Variants in WDR64 observed in about 807,000 individuals in gnomAD.
The protein encoded by WDR64 is WD repeat domain 64.
A neutral mutation model predicts 139.3 loss-of-function variants in WDR64; 112 were observed. The observed-to-expected ratio is 0.80, with a 90% CI of 0.69 to 0.94. The LOEUF (loss-of-function observed/expected upper bound fraction) is 0.94, where lower values mean the gene tolerates loss of function less well. WDR64 is among the 40% of genes least tolerant of loss of function. The probability of loss-of-function intolerance (pLI) is 0.00; values close to 1 mark genes in which losing one functional copy is unlikely to be tolerated. For missense variants in WDR64, 1,206 were observed against 1,293.1 expected, an observed-to-expected ratio of 0.93 and a Z score of 1.03; for synonymous variants, 444 against 437.7, an observed-to-expected ratio of 1.01 and a Z score of -0.18.
chr1:241,735,033 A>C (rs79313626), intron 10 of WDR64, among the ~76,000 whole-genome samples: 24,004 of 152,170 alleles, frequency 0.16, 2,218 homozygotes, highest in East Asian at 0.29. Flanking sequence ...AAGTTGTTTA[A>C]AGATTAATTT....
chr1:241,791,124 TA>T (rs1659203290), intron 25 of WDR64, among the ~76,000 whole-genome samples: 1 of 2,778 alleles, frequency 3.6e-4, no homozygotes, highest in Non-Finnish European at 3.3e-3. Context: ...CCATCTCTAT[TA>T]AAAGTAAAAA....
At chr1:241,772,496 T>TCTGTCCCCCA (rs1160880020) in intron 19 of WDR64, among the ~76,000 whole-genome samples, 2 of 105,838 alleles carry the variant, frequency 1.9e-5, no homozygotes, top group Non-Finnish European at 3.5e-5. Context: ...AGAGTTTCAC[T>TCTGTCCCCCA]CTGTCCCCCA....
At position 241,754,554 on chromosome 1, in the gene WDR64, G is replaced by C. The variant is rs920177939; in HGVS notation, c.1771-2729G>C. Among the ~76,000 whole-genome samples the C allele has an allele frequency of 2.6e-5, 4 of 151,916 alleles. No individual in the cohort carries two copies. In the South Asian group the frequency reaches 8.3e-4, roughly 32 times the overall value. On this transcript the variant is annotated intron_variant, in intron 14 of 27. Transcript: ENST00000437684. ...AGGATAGTCTCAATCTCTTGACCTC[G>C]TGATCTGCTGGCCTCAGCCTCCCAA...
Position 241,766,209 on chromosome 1 carries a change from G to A in WDR64, c.1948-9G>A, listed in dbSNP as rs752769036. Reference sequence around the variant, plus strand: ...ATATTTATGGTGTTCTGTTTCCTTCGTTCTTCAGAATCCCACCATGGATTT... The same window carrying A: ...ATATTTATGGTGTTCTGTTTCCTTCATTCTTCAGAATCCCACCATGGATTT... On this transcript the variant is annotated splice_polypyrimidine_tract_variant and intron_variant, in intron 15 of 27. Transcript: ENST00000437684. The A allele has an allele frequency of 1.4e-5, 23 of 1,612,662 alleles. No individual in the cohort carries two copies. Among genetic ancestry groups the A allele is most frequent in the African/African-American group, 6.7e-5 (5 of 74,830 alleles).
chr1:241,666,277 C>T (rs538606473), intron 2 of WDR64, among the ~76,000 whole-genome samples: 2 of 152,112 alleles, frequency 1.3e-5, no homozygotes, highest in Non-Finnish European at 2.9e-5. Context: ...ACAGGAGAAA[C>T]GGGTATTTGC....
At chr1:241,726,710 TAATCAATTTTA>T (rs60113409) in intron 10 of WDR64, among the ~76,000 whole-genome samples, 62,976 of 151,538 alleles carry the variant, frequency 0.42, 13,204 homozygotes, top group South Asian at 0.48. Context: ...AATATGTAAG[TAATCAATTTTA>T]AATCAATTTT....
chr1:241,786,326 G>A (rs79848638), intron 23 of WDR64, among the ~76,000 whole-genome samples: 2,007 of 152,278 alleles, frequency 0.013, 40 homozygotes, highest in African/African-American at 0.046. Context: ...TTAGGTCATT[G>A]CTGCAGGGCT....
At chr1:241,786,285 T>TA (rs901389998) in intron 23 of WDR64, among the ~76,000 whole-genome samples, 6 of 152,242 alleles carry the variant, frequency 3.9e-5, no homozygotes, top group African/African-American at 1.4e-4. Flanking sequence ...AATCTACTCT[T>TA]AGTTTCTTTA....
chr1:241,654,458 C>G (rs1665495063), intron 1 of WDR64, among the ~76,000 whole-genome samples: 1 of 152,204 alleles, frequency 6.6e-6, no homozygotes, highest in Non-Finnish European at 1.5e-5. Flanking sequence ...CATTTTCCAG[C>G]CTACTTGGCC....
At chr1:241,676,702 TAA>T (rs1306999982) in intron 4 of WDR64, among the ~76,000 whole-genome samples, 1 of 150,888 alleles carries the variant, frequency 6.6e-6, no homozygotes, top group Non-Finnish European at 1.5e-5. Flanking sequence ...ATGTTTTTTA[TAA>T]GATAATGTAA....
intron 9 of WDR64, among the ~76,000 whole-genome samples, chr1:241,712,358 G>T (rs769314966): frequency 6.6e-6 from 1 of 152,152 alleles, no homozygotes; most frequent in Non-Finnish European, 1.5e-5. Context: ...CAATCTTGAA[G>T]AATACCAACA....
intron 13 of WDR64, among the ~76,000 whole-genome samples, chr1:241,744,889 G>A (rs1411495416): frequency 6.6e-6 from 1 of 152,166 alleles, no homozygotes; most frequent in Admixed American, 6.5e-5. Flanking sequence ...TAATTTTACC[G>A]ACAGTAGATT....
intron 10 of WDR64, among the ~76,000 whole-genome samples, chr1:241,723,748 T>TCTGTTATTGTTA (rs138001623): frequency 6.6e-6 from 1 of 151,874 alleles, no homozygotes; most frequent in African/African-American, 2.4e-5. Context: ...AATGAGGATT[T>TCTGTTATTGTTA]CTGTTATTAA....
chr1:241,779,498 T>TA (rs1658772618), intron 21 of WDR64, among the ~76,000 whole-genome samples: 3 of 152,150 alleles, frequency 2.0e-5, no homozygotes. Flanking sequence ...CATTAAGACT[T>TA]ACCAAGACAG....
chr1:241,673,441 A>T (rs1666322672), intron 3 of WDR64, among the ~76,000 whole-genome samples: 1 of 152,018 alleles, frequency 6.6e-6, no homozygotes, highest in Non-Finnish European at 1.5e-5. Flanking sequence ...AAATTACTGA[A>T]CCCTAAGGAG....
chr1:241,775,027 A>G, intron 20 of WDR64, 78 bp from the exon 21 acceptor site: 1 of 1,148,872 alleles, frequency 8.7e-7, no homozygotes, highest in Non-Finnish European at 1.2e-6. Context: ...ATTTACATAG[A>G]AAAATCAATT....
intron 11 of WDR64, among the ~76,000 whole-genome samples, chr1:241,740,592 A>G (rs139096951): frequency 8.4e-4 from 128 of 152,258 alleles, no homozygotes; most frequent in Non-Finnish European, 1.3e-3. Context: ...TAATCTTTAC[A>G]TCGATAAAAT....
intron 14 of WDR64, among the ~76,000 whole-genome samples, chr1:241,752,741 C>T (rs1670025556): frequency 6.6e-6 from 1 of 152,130 alleles, no homozygotes; most frequent in African/African-American, 2.4e-5. Context: ...GTCTCAGCTA[C>T]TTGGGGAGCT....
At chr1:241,708,033 C>G (rs1019518367) in intron 8 of WDR64, among the ~76,000 whole-genome samples, 1 of 152,142 alleles carries the variant, frequency 6.6e-6, no homozygotes, top group Non-Finnish European at 1.5e-5. Context: ...CCCACCTCTT[C>G]TTTTTACTGG....
Sources: allele counts gnomAD v4.1 joint callset (sites outside exome capture counted in the v4.1 genomes callset), GRCh38; gene constraint gnomAD v4.1.1; transcripts MANE v1.5; gene names NCBI Gene and HGNC (gene_info 2026-07-23, HGNC 2026-07-21).